The following GRIN3A variants were observed in gnomAD, a reference collection of about 807,000 sequenced individuals.
GRIN3A encodes the protein glutamate receptor ionotropic, NMDA 3A.
A neutral mutation model predicts 92.4 loss-of-function variants in GRIN3A; 47 were observed. The ratio of observed to expected loss-of-function variants is 0.51; its 90% confidence interval spans 0.40 to 0.65. The LOEUF is 0.65. GRIN3A is among the 30% of genes least tolerant of loss of function. The pLI, the probability that GRIN3A is intolerant of heterozygous loss-of-function variation, is 0.00. For synonymous variants in GRIN3A, 527 were observed against 540.6 expected (o/e 0.97, Z 0.35); for missense variants, 1,324 against 1,393.1 (o/e 0.95, Z 0.79).
At chr9:101,666,628 C>T (rs1448446257) in intron 3 of GRIN3A, among the ~76,000 whole-genome samples, 1 of 151,960 alleles carries the variant, frequency 6.6e-6, no homozygotes, top group Non-Finnish European at 1.5e-5. Context: ...GCACATGTAC[C>T]CCTAAACTTA....
intron 1 of GRIN3A, among the ~76,000 whole-genome samples, chr9:101,713,475 A>AC (rs1314461621): frequency 6.6e-6 from 1 of 152,222 alleles, no homozygotes; most frequent in African/African-American, 2.4e-5. Context: ...CTAGGTATGT[A>AC]TTCAGTAAAA....
intron 6 of GRIN3A, among the ~76,000 whole-genome samples, chr9:101,587,026 G>A (rs902202897): frequency 2.0e-5 from 3 of 152,068 alleles, no homozygotes; most frequent in Non-Finnish European, 2.9e-5. Flanking sequence ...AAAATCTGTT[G>A]CAGCCGGGCG....
intron 3 of GRIN3A, 139 bp from the exon 4 acceptor site, chr9:101,628,540 A>G (rs1465080616): frequency 1.3e-6 from 1 of 753,482 alleles, no homozygotes; most frequent in Non-Finnish European, 2.2e-6. Flanking sequence ...GTACATAGAA[A>G]TGTGCAGACA....
In GRIN3A at chr9:101,738,155, C is replaced by T. The variant is rs1830243787; in HGVS notation, c.-176G>A. The T allele has an allele frequency of 1.0e-5, 7 of 676,302 alleles. No individual in the cohort carries two copies. Among genetic ancestry groups the T allele is most frequent in the Non-Finnish European group, 1.9e-5 (7 of 376,582 alleles). 41.9% of individuals were successfully genotyped at this position (676,302 alleles called of 1,614,324 possible). A position where few individuals can be genotyped will look rare whatever the true frequency, so the allele number is the denominator to read the frequency against. ...TGCAAGTTGGAGCGTAGCGCGCCTC[C>T]GGCAGTCTCAGATCCCGCTCCCAGG... On this transcript the variant is annotated 5_prime_UTR_variant, in exon 1 of 9. Coordinates refer to ENST00000361820, the MANE Select transcript of GRIN3A (RefSeq NM_133445.3).
At chr9:101,698,382 A>T (rs1368267165) in intron 1 of GRIN3A, among the ~76,000 whole-genome samples, 2 of 152,218 alleles carry the variant, frequency 1.3e-5, no homozygotes, top group Non-Finnish European at 2.9e-5. Flanking sequence ...CAGTGAGCAC[A>T]GACTGACAAA....
Position 101,738,256 on chromosome 9 carries a change from C to A in GRIN3A, c.-277G>T, listed in dbSNP as rs1441811771. On this transcript the variant is annotated 5_prime_UTR_variant, in exon 1 of 9. Coordinates refer to ENST00000361820, the MANE Select transcript of GRIN3A (RefSeq NM_133445.3). ...GGCGGGCGGGCCGGCGCCTGTCACC[C>A]GCAGCTGGAGCGCCCGTTCCCTGCC... The A allele has an allele frequency of 1.0e-5, 5 of 495,528 alleles. No individual in the cohort carries two copies. The highest frequency in any genetic ancestry group is 2.2e-5 in the South Asian group (1 of 45,428). The allele number at this position is 495,528 out of a possible 1,614,324, so 30.7% of individuals were successfully genotyped here.
At chr9:101,591,514 G>A (rs1291279160) in intron 6 of GRIN3A, 1 of 152,154 alleles carries the variant, frequency 6.6e-6, no homozygotes, top group Non-Finnish European at 1.5e-5. Flanking sequence ...TCTCTACATG[G>A]CATCATCTGT....
At chr9:101,628,569 A>G (rs1226134956) in intron 3 of GRIN3A, among the ~76,000 whole-genome samples, 168 bp from the exon 4 acceptor site, 2 of 152,240 alleles carry the variant, frequency 1.3e-5, no homozygotes, top group African/African-American at 2.4e-5. Flanking sequence ...TGCTTTTTAC[A>G]TCAGAAATTG....
intron 2 of GRIN3A, among the ~76,000 whole-genome samples, chr9:101,672,922 A>G (rs1829348453): frequency 6.6e-6 from 1 of 152,188 alleles, no homozygotes; most frequent in Non-Finnish European, 1.5e-5. Context: ...AGATTAATCA[A>G]TTGATAATTA....
chr9:101,723,542 A>G (rs1468179831), intron 1 of GRIN3A, among the ~76,000 whole-genome samples: 1 of 152,098 alleles, frequency 6.6e-6, no homozygotes, highest in Non-Finnish European at 1.5e-5. Context: ...GCCAGTTGCC[A>G]CTGCTGGCTC....
At chr9:101,619,609 C>T (rs1288959470) in intron 5 of GRIN3A, among the ~76,000 whole-genome samples, 1 of 152,142 alleles carries the variant, frequency 6.6e-6, no homozygotes, top group Non-Finnish European at 1.5e-5. Flanking sequence ...AGATAACTTG[C>T]CAGTTAATAA....
rs1829817852 is a variant in GRIN3A, at chr9:101,706,526, G to GAATAT, written c.700-19331_700-19327dup. Among the ~76,000 whole-genome samples the GAATAT allele has an allele frequency of 2.6e-5, 4 of 152,206 alleles. No individual in the cohort carries two copies. In the South Asian group the frequency reaches 8.3e-4, roughly 32 times the overall value. ...TTAGAAAGGGATTGGAGGTATTTAAGAATATCAGAATCAGATTATGCAATC... is the reference window on the plus strand; with the variant it reads ...TTAGAAAGGGATTGGAGGTATTTAAGAATATAATATCAGAATCAGATTATGCAATC... On this transcript the variant is annotated intron_variant, in intron 1 of 8. Coordinates refer to ENST00000361820, the MANE Select transcript of GRIN3A (RefSeq NM_133445.3).
At chr9:101,646,011 C>T (rs933627566) in intron 3 of GRIN3A, among the ~76,000 whole-genome samples, 7 of 151,604 alleles carry the variant, frequency 4.6e-5, no homozygotes, top group Non-Finnish European at 8.9e-5. Context: ...AATATTTTCT[C>T]TTATTTTGCC....
intron 6 of GRIN3A, among the ~76,000 whole-genome samples, chr9:101,596,152 T>C (rs1380403989): frequency 1.3e-5 from 2 of 152,196 alleles, no homozygotes; most frequent in Non-Finnish European, 1.5e-5. Context: ...CTGTGTTCTA[T>C]AGTTCAGCCA....
At chr9:101,713,185 C>T (rs1472821878) in intron 1 of GRIN3A, among the ~76,000 whole-genome samples, 5 of 152,142 alleles carry the variant, frequency 3.3e-5, no homozygotes, top group South Asian at 4.1e-4. Context: ...ATCACTTCTC[C>T]GCCCTGATGA....
intron 5 of GRIN3A, among the ~76,000 whole-genome samples, chr9:101,616,880 T>A (rs1828462376): frequency 8.1e-6 from 1 of 124,076 alleles, no homozygotes; most frequent in Non-Finnish European, 1.7e-5. Flanking sequence ...ACCCTAAAAC[T>A]TAAAGTATAA....
At chr9:101,621,389 C>A (rs1045665455) in intron 5 of GRIN3A, among the ~76,000 whole-genome samples, 1 of 151,878 alleles carries the variant, frequency 6.6e-6, no homozygotes, top group Non-Finnish European at 1.5e-5. Flanking sequence ...TTATACGTAT[C>A]CTTTTGTATT....
At chr9:101,590,759 C>G (rs1023606546) in intron 6 of GRIN3A, among the ~76,000 whole-genome samples, 5 of 152,152 alleles carry the variant, frequency 3.3e-5, no homozygotes, top group African/African-American at 1.2e-4. Context: ...AGACTAACTA[C>G]CTACTCTATC....
chr9:101,615,812 T>A (rs557262517), intron 5 of GRIN3A, among the ~76,000 whole-genome samples: 16 of 151,826 alleles, frequency 1.1e-4, no homozygotes, highest in Non-Finnish European at 1.5e-4. Context: ...TGTGCCACAA[T>A]CTGTTGCTGT....
Sources: allele counts gnomAD v4.1 joint callset (sites outside exome capture counted in the v4.1 genomes callset), GRCh38; gene constraint gnomAD v4.1.1; transcripts MANE v1.5; gene names NCBI Gene and HGNC (gene_info 2026-07-23, HGNC 2026-07-21).